PRKCQ: variants seen among roughly 807,000 people sequenced by gnomAD.
The protein encoded by PRKCQ is protein kinase C theta type.
A neutral mutation model predicts 91.2 loss-of-function variants in PRKCQ; 41 were observed. The ratio of observed to expected loss-of-function variants is 0.45; its 90% CI spans 0.35 to 0.58. The LOEUF is 0.58. PRKCQ is among the 20% of genes least tolerant of loss of function. The pLI is 0.00. For synonymous variants in PRKCQ, 307 were observed against 316.9 expected, an observed-to-expected ratio of 0.97 and a Z score of 0.33; for missense variants, 673 against 896.5, an observed-to-expected ratio of 0.75 and a Z score of 3.18.
chr10:6,513,868 C>T (rs1394491323), intron 2 of PRKCQ, among the ~76,000 whole-genome samples: 3 of 152,208 alleles, frequency 2.0e-5, no homozygotes, highest in Non-Finnish European at 4.4e-5. Flanking sequence ...AAATGTCCCT[C>T]GCTCACAGGC....
intron 1 of PRKCQ, among the ~76,000 whole-genome samples, chr10:6,564,147 G>T (rs1219635208): frequency 6.6e-6 from 1 of 152,154 alleles, no homozygotes; most frequent in African/African-American, 2.4e-5. Context: ...GCCCCGCAAA[G>T]ATTCGGGATT....
At position 6,497,114 on chromosome 10, in the gene PRKCQ, T is replaced by C. The variant is rs370454392; in HGVS notation, c.581A>G (p.Asn194Ser). 5.0e-6 allele frequency: 8 copies of C among 1,613,996 alleles called. No individual in the cohort carries two copies. The highest frequency in any genetic ancestry group is 2.2e-5 in the East Asian group (1 of 44,890). The change falls in exon 7 of 18, where the codon AAT becomes AGT. Residue 194 changes from asparagine (N) to serine (S), a missense_variant. Coordinates refer to ENST00000263125, the MANE Select transcript of PRKCQ (RefSeq NM_006257.5). The surrounding 1 kb of genome is among the most constrained non-coding windows in gnomAD (Gnocchi z 4.5). ...NKQGYQCRQCNAAIHKKCIDK... is the reference protein window; with the variant it reads ...NKQGYQCRQCSAAIHKKCIDK... ...AATACACTTCTTGTGAATTGCTGCA[T>C]TGCATTCTGAAAAGAAGAAAAAAAT...
intron 15 of PRKCQ, among the ~76,000 whole-genome samples, chr10:6,445,332 C>A (rs1834223825): frequency 6.6e-6 from 1 of 152,014 alleles, no homozygotes; most frequent in African/African-American, 2.4e-5. Context: ...CTCTCTAAGG[C>A]AGACTTGCTA....
chr10:6,407,566 C>T, the PRKCQ span, among the ~76,000 whole-genome samples: 4 of 150,754 alleles, frequency 2.7e-5, no homozygotes, highest in African/African-American at 4.9e-5. The surrounding 1 kb of genome is among the most constrained non-coding windows in gnomAD (Gnocchi z 4.0). Flanking sequence ...GTGTGTATGG[C>T]GTGTGAATGT....
chr10:6,550,460 G>A (rs1286910717), intron 1 of PRKCQ, among the ~76,000 whole-genome samples: 2 of 152,096 alleles, frequency 1.3e-5, no homozygotes, highest in African/African-American at 4.8e-5. Flanking sequence ...GTTTAGTAAA[G>A]ATGGGATTTT....
chr10:6,397,474 A>T, the PRKCQ span, among the ~76,000 whole-genome samples: 1 of 152,196 alleles, frequency 6.6e-6, no homozygotes, highest in Non-Finnish European at 1.5e-5. Flanking sequence ...CTATTGCATT[A>T]TCAGATATAT....
At chr10:6,569,459 C>T (rs537154272) in intron 1 of PRKCQ, among the ~76,000 whole-genome samples, 1 of 152,144 alleles carries the variant, frequency 6.6e-6, no homozygotes, top group African/African-American at 2.4e-5. Flanking sequence ...GTAGAACCTT[C>T]GAATCCACAT....
intron 7 of PRKCQ, among the ~76,000 whole-genome samples, chr10:6,494,549 C>A (rs115198216): frequency 6.6e-6 from 1 of 152,058 alleles, no homozygotes; most frequent in African/African-American, 2.4e-5. Flanking sequence ...AAGATCTGCA[C>A]GTGGGCCTCA....
At chr10:6,476,497 A>C (rs1836277850) in intron 12 of PRKCQ, among the ~76,000 whole-genome samples, 1 of 152,204 alleles carries the variant, frequency 6.6e-6, no homozygotes, top group South Asian at 2.1e-4. Context: ...ATGCTTATAC[A>C]TGCAAATGTT....
At chr10:6,534,786 A>C (rs1401895535) in intron 1 of PRKCQ, among the ~76,000 whole-genome samples, 1,964 of 145,716 alleles carry the variant, frequency 0.013, 52 homozygotes, top group African/African-American at 0.047. Context: ...ATATATATAT[A>C]TATATAGATA....
chr10:6,576,831 G>C lies in PRKCQ; in HGVS notation c.-10+3380C>G, dbSNP rs970041067. ...AACTAACCTGACTCTACCACTGACT[G>C]GTTATAAGACCTGGACAAGGGGCTC... On this transcript the variant is annotated intron_variant, in intron 1 of 17. Transcript: ENST00000263125. The surrounding 1 kb of genome is among the most constrained non-coding windows in gnomAD (Gnocchi z 4.2). Among the ~76,000 whole-genome samples the C allele has an allele frequency of 2.0e-5, 3 of 146,576 alleles. No homozygotes were observed. The highest frequency in any genetic ancestry group is 5.5e-5 in the African/African-American group (2 of 36,172).
At chr10:6,463,388 T>C (rs1835462983) in intron 13 of PRKCQ, among the ~76,000 whole-genome samples, 1 of 152,166 alleles carries the variant, frequency 6.6e-6, no homozygotes, top group African/African-American at 2.4e-5. Context: ...GGGTCCGGGC[T>C]GGCTGGAGAC....
In PRKCQ at chr10:6,571,143, G is replaced by A. The variant is rs908510665; in HGVS notation, c.-10+9068C>T. 3.9e-5 allele frequency among the ~76,000 whole-genome samples: 6 copies of A among 151,998 alleles called. 1 individual carries two copies. Among genetic ancestry groups the A allele is most frequent in the Admixed American group, 3.3e-4 (5 of 15,262 alleles). On this transcript the variant is annotated intron_variant, in intron 1 of 17. Coordinates refer to ENST00000263125, the MANE Select transcript of PRKCQ (RefSeq NM_006257.5). Reference sequence around the variant, plus strand: ...ATGGAGTGGGAAGTCACAGAGCTACGGCATCCTGAATTTGCAGAGCGGCGT... The same window carrying A: ...ATGGAGTGGGAAGTCACAGAGCTACAGCATCCTGAATTTGCAGAGCGGCGT...
chr10:6,402,706 TC>T, the PRKCQ span, among the ~76,000 whole-genome samples: 1 of 152,192 alleles, frequency 6.6e-6, no homozygotes, highest in South Asian at 2.1e-4. Context: ...GGTCAAGAGT[TC>T]GAGACCAGCC....
At chr10:6,527,031 G>A (rs2130891774) in intron 1 of PRKCQ, among the ~76,000 whole-genome samples, 1 of 152,308 alleles carries the variant, frequency 6.6e-6, no homozygotes, top group East Asian at 1.9e-4. Context: ...GAGCAGGGCG[G>A]CCTCAAGGTT....
chr10:6,479,901 G>T (rs1324982472), intron 11 of PRKCQ, among the ~76,000 whole-genome samples: 2 of 151,782 alleles, frequency 1.3e-5, no homozygotes, highest in Non-Finnish European at 2.9e-5. Flanking sequence ...GTGGTGAACT[G>T]AGATCATGCC....
At chr10:6,475,590 C>T (rs1836227322) in intron 12 of PRKCQ, among the ~76,000 whole-genome samples, 1 of 152,160 alleles carries the variant, frequency 6.6e-6, no homozygotes, top group South Asian at 2.1e-4. Flanking sequence ...TGAATAACTT[C>T]CTTTAAAAAA....
rs910240958 is a variant in PRKCQ, at chr10:6,576,978, T to C, written c.-10+3233A>G. 6.6e-6 allele frequency among the ~76,000 whole-genome samples: 1 copy of C among 152,156 alleles called. No homozygotes were observed. Among genetic ancestry groups the C allele is most frequent in the Admixed American group, 6.5e-5 (1 of 15,280 alleles). On this transcript the variant is annotated intron_variant, in intron 1 of 17. Transcript: ENST00000263125. This position sits in a 1 kb window ranked among gnomAD's most constrained non-coding sequence, Gnocchi z 4.2. ...TCTTACATATAAATAAAATTCTGAGTATGATATACAGCACATAAATTCTAA... is the reference window on the plus strand; with the variant it reads ...TCTTACATATAAATAAAATTCTGAGCATGATATACAGCACATAAATTCTAA...
At chr10:6,426,384 A>G (rs1266186701), downstream of PRKCQ, among the ~76,000 whole-genome samples, 1 of 152,188 alleles carries the variant, frequency 6.6e-6, no homozygotes, top group African/African-American at 2.4e-5. Context: ...CCACTGGCCC[A>G]TCCAGGGCCT....
Sources: gnomAD v4.1 joint callset for allele counts (sites outside exome capture counted in the v4.1 genomes callset) on GRCh38, gnomAD v4.1.1 for gene constraint, Gnocchi (gnomAD v3.1) non-coding constraint, MANE v1.5 for transcripts, NCBI Gene and HGNC (gene_info 2026-07-23, HGNC 2026-07-21) for gene names.